Variants in PYURF observed in about 807,000 individuals in gnomAD.
PYURF encodes PIGY upstream open reading frame.
A neutral mutation model predicts 8.0 loss-of-function variants in PYURF; 9 were observed. The observed-to-expected ratio is 1.13, with a 90% CI of 0.68 to 1.97. PYURF has a LOEUF of 1.97. Ranked by LOEUF, PYURF falls within the 30% of genes most tolerant of loss-of-function variation. PYURF has a pLI of 0.00. For synonymous variants in PYURF, 56 were observed against 68.3 expected (o/e 0.82, Z 0.89); for missense variants, 130 against 158.0 (o/e 0.82, Z 0.95).
At position 88,521,567 on chromosome 4, in the gene PYURF, A is replaced by G. The variant is rs2149117211; in HGVS notation, c.*321T>C. 6.3e-7 allele frequency: 1 copy of G among 1,583,990 alleles called. No individual in the cohort carries two copies. The highest frequency in any genetic ancestry group is 1.7e-4 in the Middle Eastern group (1 of 6,000). ...TTAATATATACAGCATATTGACTCT[A>G]GTTGCATCAATTATGCCTGAAGAGT... On this transcript the variant is annotated 3_prime_UTR_variant, in exon 2 of 2. Coordinates refer to ENST00000273968, the MANE Select transcript of PYURF (RefSeq NM_032906.5).
In PYURF at chr4:88,521,666, A is replaced by G. The variant is rs187627657; in HGVS notation, c.*222T>C. ...GTAATAGGCAAGAGCAGGCTGTAAA[A>G]GCAAAGGCTGGCTGTGCTAGTGCAG... On this transcript the variant is annotated 3_prime_UTR_variant, in exon 2 of 2. Transcript: ENST00000273968. 1.4e-5 allele frequency: 22 copies of G among 1,614,020 alleles called. No homozygotes were observed. Among genetic ancestry groups the G allele is most frequent in the Non-Finnish European group, 1.9e-5 (22 of 1,179,874 alleles).
chr4:88,522,810 AAC>A (rs1291131235), intron 1 of PYURF, among the ~76,000 whole-genome samples: 1 of 152,380 alleles, frequency 6.6e-6, no homozygotes, highest in East Asian at 1.9e-4. Context: ...CTGGGCAGCA[AAC>A]ACAGCTGAAT....
chr4:88,523,043 AG>A (rs1237556094), intron 1 of PYURF, among the ~76,000 whole-genome samples: 1 of 151,852 alleles, frequency 6.6e-6, no homozygotes, highest in African/African-American at 2.4e-5. Context: ...TCGACTCCTG[AG>A]GAGGCTGAGG....
chr4:88,523,721 G>T lies in PYURF; in HGVS notation c.-21C>A. ...AGCATGGTCTGGCAGCCGGAGACCA[G>T]GCCTCACCGCAGCCTCGCCACCCGT... On this transcript the variant is annotated 5_prime_UTR_variant, in exon 1 of 2. In the 5' UTR this introduces an upstream ATG that the reference lacks. Coordinates refer to ENST00000273968, the MANE Select transcript of PYURF (RefSeq NM_032906.5). The T allele has an allele frequency of 7.0e-7, 1 of 1,429,288 alleles. No homozygotes were observed. The highest frequency in any genetic ancestry group is 9.1e-7 in the Non-Finnish European group (1 of 1,099,302). 88.5% of individuals were successfully genotyped at this position (1,429,288 alleles called of 1,614,324 possible). A position where few individuals can be genotyped will look rare whatever the true frequency, so the allele number is the denominator to read the frequency against.
intron 1 of PYURF, among the ~76,000 whole-genome samples, chr4:88,523,076 G>A (rs1742430818): frequency 6.6e-6 from 1 of 151,800 alleles, no homozygotes; most frequent in African/African-American, 2.4e-5. Flanking sequence ...GGCCAGTCTG[G>A]GCAACGTAGG....
At position 88,521,373 on chromosome 4, in the gene PYURF, A is replaced by C. The variant is rs1742365220; in HGVS notation, c.*515T>G. The C allele has an allele frequency of 1.8e-6, 1 of 556,962 alleles. No individual in the cohort carries two copies. The highest frequency in any genetic ancestry group is 1.9e-5 in the African/African-American group (1 of 53,394). The allele number at this position is 556,962 out of a possible 1,614,324, so 34.5% of individuals were successfully genotyped here. A position where few individuals can be genotyped will look rare whatever the true frequency, so the allele number is the denominator to read the frequency against. Reference sequence around the variant, plus strand: ...ATGTTTCTTCTGATACAGCAGTTATAAGTCAGAGCCTTCAAAAAACAAGGG... The same window carrying C: ...ATGTTTCTTCTGATACAGCAGTTATCAGTCAGAGCCTTCAAAAAACAAGGG... On this transcript the variant is annotated 3_prime_UTR_variant, in exon 2 of 2. Coordinates refer to ENST00000273968, the MANE Select transcript of PYURF (RefSeq NM_032906.5).
In PYURF at chr4:88,521,952, A is replaced by T. The variant is rs1376212145; in HGVS notation, c.281T>A (p.Met94Lys). The change falls in exon 2 of 2, where the codon ATG (methionine) becomes AAG (lysine). Residue 94 changes from methionine (M) to lysine (K), a missense_variant. Physicochemically the swap from Met to Lys is moderately conservative, Grantham distance 95 (BLOSUM62 -1). Transcript: ENST00000273968. ...TGTCATCCTAGCTGCCTGTGGTATCATATTAGGGATCCCATCAATGATTGG... is the reference window on the plus strand; with the variant it reads ...TGTCATCCTAGCTGCCTGTGGTATCTTATTAGGGATCCCATCAATGATTGG... Reference protein sequence around the residue: ...AYPIIDGIPNMIPQAARMTRQ... With the variant: ...AYPIIDGIPNKIPQAARMTRQ... 3.2e-6 allele frequency: 5 copies of T among 1,551,490 alleles called. No homozygotes were observed. The highest frequency in any genetic ancestry group is 4.4e-6 in the Non-Finnish European group (5 of 1,146,898).
intron 1 of PYURF, 77 bp downstream of exon 1, chr4:88,523,421 T>G: frequency 6.8e-7 from 1 of 1,468,726 alleles, no homozygotes; most frequent in Non-Finnish European, 9.3e-7. Context: ...CCCCAGTGGC[T>G]GCAAGAGGCC....
In PYURF at chr4:88,523,520, G is replaced by A. The variant is rs1483614484; in HGVS notation, c.181C>T (p.Pro61Ser). Residue 61 changes from proline (P) to serine (S), a missense_variant, in exon 1 of 2, where the codon CCG becomes TCG. Physicochemically the swap from Pro to Ser is moderately conservative, Grantham distance 74 (BLOSUM62 -1). Coordinates refer to ENST00000273968, the MANE Select transcript of PYURF (RefSeq NM_032906.5). ...TACCTGAGCGGCTTCTTGGAGAGCG[G>A]GCACACCAGGAACTCCAGCAGCGCC... ...DPALLEFLVC[P>S]LSKKPLRYEA... The A allele has an allele frequency of 2.6e-6, 4 of 1,551,276 alleles. No individual in the cohort carries two copies.
rs1170827538 is a variant in PYURF, at chr4:88,523,666, G to A, written c.35C>T (p.Ala12Val). 7 of 1,527,778 alleles carry A rather than the reference G, an allele frequency of 4.6e-6. No homozygotes were observed. The highest frequency in any genetic ancestry group is 2.1e-4 in the Middle Eastern group (1 of 4,758). The allele number at this position is 1,527,778 out of a possible 1,614,324, so 94.6% of individuals were successfully genotyped here. A position where few individuals can be genotyped will look rare whatever the true frequency, so the allele number is the denominator to read the frequency against. The change falls in exon 1 of 2, where the codon GCG (alanine) becomes GTG (valine). Residue 12 changes from alanine to valine, a missense_variant. By Grantham distance (64) the Ala-to-Val change is moderately conservative (BLOSUM62 0). Coordinates refer to ENST00000273968, the MANE Select transcript of PYURF (RefSeq NM_032906.5). ...LSGARCRLAS[A>V]LRGTRAPPSA... ...CGGCGGCGCGCGCGTTCCCCGCAGC[G>A]CTGAGGCGAGCCTGCAGCGTGCTCC...
In PYURF at chr4:88,521,286, A is replaced by T. The variant is rs140081444; in HGVS notation, c.*602T>A. ...ATTTCAATGACTCTTAGATGAATGG[A>T]ATAAGAAATAGTCATCACATGTCAA... On this transcript the variant is annotated 3_prime_UTR_variant, in exon 2 of 2. Coordinates refer to ENST00000273968, the MANE Select transcript of PYURF (RefSeq NM_032906.5). 4.1e-3 allele frequency: 1,462 copies of T among 357,338 alleles called. 15 individuals are homozygous for T. The highest frequency in any genetic ancestry group is 0.016 in the South Asian group (364 of 23,138). 22.1% of individuals were successfully genotyped at this position (357,338 alleles called of 1,614,324 possible).
rs774978293 is a variant in PYURF at position 88,523,478 on chromosome 4, G to C, written c.203+20C>G. The C allele has an allele frequency of 5.8e-6, 9 of 1,550,838 alleles. No individual in the cohort carries two copies. In the South Asian group the frequency reaches 1.1e-4, roughly 18 times the overall value. On this transcript the variant is annotated intron_variant, in intron 1 of 1. Transcript: ENST00000273968. ...GCCCACCGGGAGGCTGCAAAGGAAG[G>C]GCCAAGGCCAGCGAGTTACCTGAGC...
Position 88,521,539 on chromosome 4 carries a change from T to C in PYURF, c.*349A>G, listed in dbSNP as rs762651394. 3.6e-5 allele frequency: 55 copies of C among 1,530,238 alleles called. No individual in the cohort carries two copies. The highest frequency in any genetic ancestry group is 4.9e-5 in the Non-Finnish European group (54 of 1,108,366). 94.8% of individuals were successfully genotyped at this position (1,530,238 alleles called of 1,614,324 possible). A position where few individuals can be genotyped will look rare whatever the true frequency, so the allele number is the denominator to read the frequency against. On this transcript the variant is annotated 3_prime_UTR_variant, in exon 2 of 2. Coordinates refer to ENST00000273968, the MANE Select transcript of PYURF (RefSeq NM_032906.5). ...TTCAGAGATCGATGCCCAAGAGCTA[T>C]CATTAATATATACAGCATATTGACT... is the stretch of plus-strand genomic sequence containing the variant.
Position 88,523,740 on chromosome 4 carries a change from C to T in PYURF, c.-40G>A. ...AGACCAGGCCTCACCGCAGCCTCGC[C>T]ACCCGTGGCCGAGCTCCCGGCTTCC... On this transcript the variant is annotated 5_prime_UTR_variant, in exon 1 of 2. Transcript: ENST00000273968. The T allele has an allele frequency of 2.1e-6, 3 of 1,399,548 alleles. No individual in the cohort carries two copies. Among genetic ancestry groups the T allele is most frequent in the Non-Finnish European group, 2.8e-6 (3 of 1,083,778 alleles). 86.7% of individuals were successfully genotyped at this position (1,399,548 alleles called of 1,614,324 possible). A position where few individuals can be genotyped will look rare whatever the true frequency, so the allele number is the denominator to read the frequency against.
chr4:88,521,176 A>G lies in PYURF; in HGVS notation c.*712T>C. 5.6e-6 allele frequency: 1 copy of G among 179,540 alleles called. No homozygotes were observed. The highest frequency in any genetic ancestry group is 1.3e-4 in the South Asian group (1 of 7,716). The allele number at this position is 179,540 out of a possible 1,614,324, so 11.1% of individuals were successfully genotyped here. ...TCTCTCCCTTAGAGGGACTATTCCA[A>G]CATCACTCCTTTGGAATTATTTCAG... On this transcript the variant is annotated 3_prime_UTR_variant, in exon 2 of 2. Transcript: ENST00000273968.
At chr4:88,522,059 GT>G (rs2149117676) in intron 1 of PYURF, 30 bp from the exon 2 acceptor site, 1 of 1,511,522 alleles carries the variant, frequency 6.6e-7, no homozygotes, top group Non-Finnish European at 8.8e-7. Flanking sequence ...AACAAAATGA[GT>G]TGTGGGAAAA....
Position 88,521,599 on chromosome 4 carries a change from C to A in PYURF, c.*289G>T, listed in dbSNP as rs1742370018. On this transcript the variant is annotated 3_prime_UTR_variant, in exon 2 of 2. Coordinates refer to ENST00000273968, the MANE Select transcript of PYURF (RefSeq NM_032906.5). ...TCAATTATGCCTGAAGAGTTTAATA[C>A]CCATCCAAGTCCAAAGGTGGAAGAA... The A allele has an allele frequency of 1.9e-6, 3 of 1,612,884 alleles. No homozygotes were observed. The African/African-American group carries it at 4.0e-5, about 22-fold the overall frequency.
rs529877266 is a variant in PYURF, at chr4:88,521,915, C to T, written c.318G>A (p.Lys106=). 3 of 1,550,830 alleles carry T rather than the reference C, an allele frequency of 1.9e-6. No individual in the cohort carries two copies. The African/African-American group carries it at 4.1e-5, about 21-fold the overall frequency. ...PQAARMTRQS[K]KQEEVEQR Reference sequence around the variant, plus strand: ...AGCGCTGCTCCACTTCTTCTTGCTTCTTACTTTGACGTGTCATCCTAGCTG... The same window carrying T: ...AGCGCTGCTCCACTTCTTCTTGCTTTTTACTTTGACGTGTCATCCTAGCTG... The change falls in exon 2 of 2, where the codon AAG becomes AAA. Residue 106 remains lysine (K), a synonymous_variant. Transcript: ENST00000273968.
rs1270033864 is a variant in PYURF at position 88,521,424 on chromosome 4, C to T, written c.*464G>A. 7 of 654,184 alleles carry T rather than the reference C, an allele frequency of 1.1e-5. No homozygotes were observed. In the East Asian group the frequency reaches 1.7e-4, roughly 15 times the overall value. The allele number at this position is 654,184 out of a possible 1,614,324, so 40.5% of individuals were successfully genotyped here. A position where few individuals can be genotyped will look rare whatever the true frequency, so the allele number is the denominator to read the frequency against. ...CAGAACAAGAGTACAATAAAAGAAGCATCTGCAACTTAAGCCTCCCACAGT... is the reference window on the plus strand; with the variant it reads ...CAGAACAAGAGTACAATAAAAGAAGTATCTGCAACTTAAGCCTCCCACAGT... On this transcript the variant is annotated 3_prime_UTR_variant, in exon 2 of 2. Transcript: ENST00000273968.
Sources: allele counts gnomAD v4.1 joint callset (sites outside exome capture counted in the v4.1 genomes callset), GRCh38; gene constraint gnomAD v4.1.1; transcripts MANE v1.5; gene names NCBI Gene and HGNC (gene_info 2026-07-23, HGNC 2026-07-21).